The following RNF38 variants were observed in gnomAD, a reference collection of about 807,000 sequenced individuals.
The protein encoded by RNF38 is ring finger protein 38, also known as E3 ubiquitin-protein ligase RNF38.
In RNF38, 15 loss-of-function variants were observed where a neutral mutation model predicts 67.2. The ratio of observed to expected loss-of-function variants is 0.22; its 90% CI spans 0.15 to 0.34. The LOEUF is 0.34. Ranked by LOEUF, RNF38 falls within the 10% of genes least tolerant of loss-of-function variation. The probability of loss-of-function intolerance (pLI) is 1.00; values close to 1 mark genes in which losing one functional copy is unlikely to be tolerated. For synonymous variants in RNF38, 220 were observed against 218.8 expected (o/e 1.01, Z -0.05); for missense variants, 524 against 639.9 (o/e 0.82, Z 1.95).
rs767211095 is a variant in RNF38 at position 36,482,048 on chromosome 9, CTTTTTTTTTT to C, written n.241+5250_241+5259del. On this transcript the variant is annotated intron_variant and non_coding_transcript_variant, in intron 1 of 3. Transcript: ENST00000488058. ...TCCTCCATTTACCAGATACTTTTGT[CTTTTTTTTTT>C]TTTTTTTTTTTTGAGACGAAGTTTC... Among the ~76,000 whole-genome samples, 6 of 119,308 alleles carry C rather than the reference CTTTTTTTTTT, an allele frequency of 5.0e-5. No homozygotes were observed. The South Asian group carries it at 1.3e-3, about 26-fold the overall frequency. The allele number at this position is 119,308 out of a possible 152,430, so 78.3% of individuals were successfully genotyped here.
At chr9:36,487,188 T>C (rs1840435854) in intron 1 of RNF38, 4 of 644,848 alleles carry the variant, frequency 6.2e-6, no homozygotes, top group Non-Finnish European at 7.7e-6. Flanking sequence ...CGGACAAAGC[T>C]GACCCGGACA....
chr9:36,389,596 C>G (rs190836604), intron 2 of RNF38, among the ~76,000 whole-genome samples: 115 of 152,312 alleles, frequency 7.6e-4, no homozygotes, highest in African/African-American at 2.4e-3. Flanking sequence ...AGCAGAGAAC[C>G]TGGCACAAAT....
At chr9:36,352,931 A>C in intron 7 of RNF38, 83 bp from the exon 8 acceptor site, 1 of 1,019,224 alleles carries the variant, frequency 9.8e-7, no homozygotes, top group Non-Finnish European at 1.5e-6. Flanking sequence ...TTAAAAAAAG[A>C]CTTAAACAGT....
chr9:36,483,231 T>C (rs1004802678), intron 1 of RNF38, among the ~76,000 whole-genome samples: 2 of 151,900 alleles, frequency 1.3e-5, no homozygotes, highest in African/African-American at 4.8e-5. Context: ...ACTAAAAATA[T>C]GAAAATTATC....
chr9:36,412,863 G>A (rs534951319), intron 2 of RNF38, among the ~76,000 whole-genome samples: 38 of 151,652 alleles, frequency 2.5e-4, no homozygotes, highest in Middle Eastern at 3.4e-3. Flanking sequence ...ACCTGAGGTC[G>A]GGAGTTCAAG....
chr9:36,360,559 T>G (rs1175616196), intron 4 of RNF38, among the ~76,000 whole-genome samples: 1 of 152,126 alleles, frequency 6.6e-6, no homozygotes, highest in Non-Finnish European at 1.5e-5. Context: ...CTTTGAGTGT[T>G]GAGTCGGTGC....
chr9:36,394,731 T>TA (rs1235929163), intron 1 of RNF38, among the ~76,000 whole-genome samples: 1 of 152,230 alleles, frequency 6.6e-6, no homozygotes, highest in Non-Finnish European at 1.5e-5. Context: ...CTAAGGTTCA[T>TA]ACTCAACCCA....
At chr9:36,380,941 C>T (rs555531654) in intron 2 of RNF38, among the ~76,000 whole-genome samples, 36 of 152,150 alleles carry the variant, frequency 2.4e-4, no homozygotes, top group African/African-American at 8.4e-4. Context: ...TGACTGAGAC[C>T]CCTACATGAA....
At position 36,387,093 on chromosome 9, in the gene RNF38, G is replaced by A. The variant is rs561425229; in HGVS notation, c.162+3374C>T. Among the ~76,000 whole-genome samples, 6 of 152,302 alleles carry A rather than the reference G, an allele frequency of 3.9e-5. 1 individual carries two copies. Among genetic ancestry groups the A allele is most frequent in the African/African-American group, 1.4e-4 (6 of 41,564 alleles). On this transcript the variant is annotated intron_variant, in intron 2 of 11. Coordinates refer to ENST00000259605, the MANE Select transcript of RNF38 (RefSeq NM_022781.5). ...GCTGGGATTACAGGTGCGAGCCACC[G>A]TGTGGGAGCCCCTACCTTGTCTATA...
chr9:36,399,445 A>C (rs1179365620), intron 1 of RNF38, among the ~76,000 whole-genome samples: 1 of 148,628 alleles, frequency 6.7e-6, no homozygotes, highest in African/African-American at 2.5e-5. Flanking sequence ...ACAATGTATG[A>C]TTAGCAGGTT....
chr9:36,439,375 T>G (rs1231574135), intron 1 of RNF38, among the ~76,000 whole-genome samples: 2 of 152,160 alleles, frequency 1.3e-5, no homozygotes, highest in African/African-American at 4.8e-5. Context: ...CTTGAACAAG[T>G]GACCCTCATT....
At chr9:36,376,223 T>C in intron 2 of RNF38, 96 bp from the exon 3 acceptor site, 3 of 929,182 alleles carry the variant, frequency 3.2e-6, no homozygotes, top group Non-Finnish European at 4.6e-6. Flanking sequence ...TAACCTAAAA[T>C]CTAAAAATGT....
intron 2 of RNF38, among the ~76,000 whole-genome samples, chr9:36,382,820 C>T (rs1487639094): frequency 2.0e-5 from 3 of 152,180 alleles, no homozygotes; most frequent in Non-Finnish European, 2.9e-5. Flanking sequence ...TAAGAATCTT[C>T]AATTCTCCTT....
At chr9:36,443,617 T>C (rs971086918) in intron 1 of RNF38, among the ~76,000 whole-genome samples, 9 of 152,182 alleles carry the variant, frequency 5.9e-5, no homozygotes, top group African/African-American at 2.2e-4. Flanking sequence ...TGGAAAATTA[T>C]TTCAAGCCAT....
chr9:36,429,103 C>G (rs1838862138), intron 1 of RNF38, among the ~76,000 whole-genome samples: 1 of 152,214 alleles, frequency 6.6e-6, no homozygotes, highest in Non-Finnish European at 1.5e-5. Flanking sequence ...TATAAAGATG[C>G]ATTTCTTTGC....
At chr9:36,430,738 C>CG (rs1173740933) in intron 1 of RNF38, among the ~76,000 whole-genome samples, 15 of 151,756 alleles carry the variant, frequency 9.9e-5, no homozygotes, top group African/African-American at 3.4e-4. Flanking sequence ...CTTCGGGCGG[C>CG]GGGGGTGCGG....
intron 1 of RNF38, among the ~76,000 whole-genome samples, chr9:36,480,025 C>T (rs952388533): frequency 1.1e-4 from 17 of 152,094 alleles, no homozygotes; most frequent in African/African-American, 3.6e-4. Context: ...GTCGCCCAGG[C>T]TGGAGTGCAG....
At chr9:36,371,934 CTT>C (rs1292005987) in intron 3 of RNF38, among the ~76,000 whole-genome samples, 13 of 140,644 alleles carry the variant, frequency 9.2e-5, no homozygotes, top group East Asian at 2.0e-4. Flanking sequence ...TTTTTCTTTT[CTT>C]TTTTTTTTTT....
intron 1 of RNF38, among the ~76,000 whole-genome samples, chr9:36,445,417 C>T (rs1839277723): frequency 6.6e-6 from 1 of 152,112 alleles, no homozygotes; most frequent in African/African-American, 2.4e-5. Context: ...TGCATAATTA[C>T]TTATTTGTTG....
Sources: gnomAD v4.1 joint callset for allele counts (sites outside exome capture counted in the v4.1 genomes callset) on GRCh38, gnomAD v4.1.1 for gene constraint, MANE v1.5 for transcripts, NCBI Gene and HGNC (gene_info 2026-07-23, HGNC 2026-07-21) for gene names.